GALNTL6: variants seen among roughly 807,000 people sequenced by gnomAD.
GALNTL6 encodes the protein polypeptide N-acetylgalactosaminyltransferase like 6.
A neutral mutation model predicts 73.7 loss-of-function variants in GALNTL6; 46 were observed. The ratio of observed to expected loss-of-function variants is 0.62; its 90% CI spans 0.49 to 0.80. The LOEUF is 0.80. GALNTL6 is among the 30% of genes least tolerant of loss of function. The pLI is 0.00. For synonymous variants in GALNTL6, 259 were observed against 263.7 expected (o/e 0.98, Z 0.17); for missense variants, 604 against 755.0 (o/e 0.80, Z 2.34).
At chr4:173,000,511 A>T (rs958615736) in intron 10 of GALNTL6, among the ~76,000 whole-genome samples, 3 of 152,256 alleles carry the variant, frequency 2.0e-5, no homozygotes, top group Non-Finnish European at 4.4e-5. Flanking sequence ...GATGCAATCT[A>T]TCAAAATCTA....
chr4:171,872,543 C>A (rs1165172488), intron 2 of GALNTL6, among the ~76,000 whole-genome samples: 1 of 152,110 alleles, frequency 6.6e-6, no homozygotes, highest in East Asian at 1.9e-4. Flanking sequence ...TTCAGCAATT[C>A]AAAATTTATT....
In GALNTL6 at chr4:171,887,820, T is replaced by C. The variant is rs1053171240; in HGVS notation, c.138+73102T>C. On this transcript the variant is annotated intron_variant, in intron 2 of 12. Coordinates refer to ENST00000506823, the MANE Select transcript of GALNTL6 (RefSeq NM_001034845.3). ...ATATAATTCTTTTCTGGAAGGTTAC[T>C]TGTTCTTCCTCCCACTAGGGTTTTT... Among the ~76,000 whole-genome samples the C allele has an allele frequency of 1.1e-4, 17 of 152,262 alleles. No individual in the cohort carries two copies. The East Asian group carries it at 3.1e-3, about 28-fold the overall frequency.
chr4:172,309,110 G>T (rs947530809), intron 3 of GALNTL6, among the ~76,000 whole-genome samples: 1 of 151,902 alleles, frequency 6.6e-6, no homozygotes, highest in Non-Finnish European at 1.5e-5. Flanking sequence ...GGTTTTTTGG[G>T]GCCAAATGTC....
chr4:172,647,220 T>C (rs1288000429), intron 5 of GALNTL6, among the ~76,000 whole-genome samples: 1 of 152,038 alleles, frequency 6.6e-6, no homozygotes, highest in Non-Finnish European at 1.5e-5. Flanking sequence ...AGGTAGACTT[T>C]AGGAGAATAG....
At chr4:172,312,206 AAAGTGAT>A (rs1327393441) in intron 4 of GALNTL6, among the ~76,000 whole-genome samples, 2 of 152,220 alleles carry the variant, frequency 1.3e-5, no homozygotes, top group Admixed American at 6.5e-5. Flanking sequence ...CCATAATCCA[AAAGTGAT>A]AAGTAGTGAT....
intron 5 of GALNTL6, among the ~76,000 whole-genome samples, chr4:172,571,219 T>C (rs557621670): frequency 4.6e-5 from 7 of 152,296 alleles, no homozygotes; most frequent in African/African-American, 1.7e-4. Context: ...AGGAAAACCT[T>C]ATTGTTCGGA....
intron 2 of GALNTL6, among the ~76,000 whole-genome samples, chr4:171,856,178 C>T (rs530149707): frequency 3.1e-4 from 47 of 152,178 alleles, no homozygotes; most frequent in Admixed American, 3.0e-3. Flanking sequence ...TCTTGGCTCA[C>T]GGAAACCTCC....
chr4:172,588,969 CAAAT>C (rs1468105624), intron 5 of GALNTL6, among the ~76,000 whole-genome samples: 2 of 152,076 alleles, frequency 1.3e-5, no homozygotes, highest in Non-Finnish European at 2.9e-5. Context: ...TATTTCTAAG[CAAAT>C]AAAATATTTT....
intron 2 of GALNTL6, among the ~76,000 whole-genome samples, chr4:172,090,133 C>A (rs1477946074): frequency 6.6e-6 from 1 of 152,144 alleles, no homozygotes; most frequent in Non-Finnish European, 1.5e-5. Context: ...CAAGTCTTTG[C>A]TATTGTGAAC....
chr4:172,377,089 C>T (rs986134087), intron 5 of GALNTL6, among the ~76,000 whole-genome samples: 7 of 152,226 alleles, frequency 4.6e-5, no homozygotes, highest in South Asian at 2.1e-4. Flanking sequence ...ACTGCTGGCT[C>T]GGGCAGCCTG....
intron 5 of GALNTL6, among the ~76,000 whole-genome samples, chr4:172,603,116 C>G (rs1738130555): frequency 6.6e-6 from 1 of 152,040 alleles, no homozygotes; most frequent in South Asian, 2.1e-4. Context: ...GCAAAGGGCA[C>G]AGGGATTTTT....
At chr4:172,749,170 A>G (rs79992808) in intron 5 of GALNTL6, among the ~76,000 whole-genome samples, 1 of 151,996 alleles carries the variant, frequency 6.6e-6, no homozygotes, top group Admixed American at 6.6e-5. Context: ...TTTGTCAATT[A>G]AAAATTTAAA....
chr4:171,943,473 A>T (rs1403559675), intron 2 of GALNTL6, among the ~76,000 whole-genome samples: 3 of 152,186 alleles, frequency 2.0e-5, no homozygotes, highest in Non-Finnish European at 2.9e-5. Context: ...AATATTACAT[A>T]TTAAATGTTT....
At chr4:172,349,564 A>G (rs1252213554) in intron 5 of GALNTL6, among the ~76,000 whole-genome samples, 1 of 152,136 alleles carries the variant, frequency 6.6e-6, no homozygotes, top group African/African-American at 2.4e-5. Context: ...TAGTATTCAA[A>G]AATTCTGCAA....
rs541602791 is a variant in GALNTL6, at chr4:172,616,704, G to T, written c.554-192657G>T. Among the ~76,000 whole-genome samples the T allele has an allele frequency of 1.7e-4, 26 of 152,138 alleles. No individual in the cohort carries two copies. In the East Asian group the frequency reaches 4.8e-3, roughly 28 times the overall value. ...GCAGCTCTGAAATTATGACATCCAT[G>T]TGCTCCAAGCCAAACATGATCTCCA... is the stretch of plus-strand genomic sequence containing the variant. On this transcript the variant is annotated intron_variant, in intron 5 of 12. Coordinates refer to ENST00000506823, the MANE Select transcript of GALNTL6 (RefSeq NM_001034845.3).
chr4:172,204,880 A>C (rs1245636529), intron 2 of GALNTL6, among the ~76,000 whole-genome samples: 1 of 152,202 alleles, frequency 6.6e-6, no homozygotes, highest in East Asian at 1.9e-4. Flanking sequence ...GAACTAAACA[A>C]TGTTTCTATA....
Position 172,339,338 on chromosome 4 carries a change from G to T in GALNTL6, c.387-9185G>T, listed in dbSNP as rs182313324. On this transcript the variant is annotated intron_variant, in intron 4 of 12. Coordinates refer to ENST00000506823, the MANE Select transcript of GALNTL6 (RefSeq NM_001034845.3). ...ACAGAGTTTCCAGGTCACCAAGTTGGTTTCTTCTCACCCAGGAGAAATCAT... is the reference window on the plus strand; with the variant it reads ...ACAGAGTTTCCAGGTCACCAAGTTGTTTTCTTCTCACCCAGGAGAAATCAT... 3.4e-5 allele frequency among the ~76,000 whole-genome samples: 5 copies of T among 145,946 alleles called. No individual in the cohort carries two copies. In the East Asian group the frequency reaches 6.3e-4, roughly 18 times the overall value.
chr4:172,730,810 G>A (rs1736100549), intron 5 of GALNTL6, among the ~76,000 whole-genome samples: 2 of 152,182 alleles, frequency 1.3e-5, no homozygotes, highest in Non-Finnish European at 1.5e-5. Context: ...GCTGGGCACA[G>A]TGGCTCCTGC....
At chr4:172,668,825 G>A (rs935690785) in intron 5 of GALNTL6, 3 of 152,144 alleles carry the variant, frequency 2.0e-5, no homozygotes, top group Non-Finnish European at 2.9e-5. Context: ...AAAATAAGAT[G>A]AGGGGAGTGC....
Sources: gnomAD v4.1 joint callset for allele counts (sites outside exome capture counted in the v4.1 genomes callset) on GRCh38, gnomAD v4.1.1 for gene constraint, MANE v1.5 for transcripts, NCBI Gene and HGNC (gene_info 2026-07-23, HGNC 2026-07-21) for gene names.